Variants in RBM28 observed in about 807,000 individuals in gnomAD.
RBM28 encodes the protein RNA-binding protein 28.
Under a neutral mutation model 98.3 loss-of-function variants are expected in RBM28, and 78 were observed. The ratio of observed to expected loss-of-function variants is 0.79; its 90% CI spans 0.66 to 0.96. RBM28 has a LOEUF of 0.96. Among genes scored for constraint, RBM28 ranks in the 40% least tolerant of loss-of-function variants. The pLI, the probability that RBM28 is intolerant of heterozygous loss-of-function variation, is 0.00. For missense variants in RBM28, 838 were observed against 913.0 expected (o/e 0.92, Z 1.06); for synonymous variants, 306 against 330.9 (o/e 0.92, Z 0.82).
At chr7:128,317,460 C>T (rs114661893) in intron 16 of RBM28, among the ~76,000 whole-genome samples, 199 bp downstream of exon 16, 3,711 of 152,218 alleles carry the variant, frequency 0.024, 134 homozygotes, top group African/African-American at 0.085. Context: ...TCCTTCCTTT[C>T]CCTTCTGCTG....
intron 8 of RBM28, 60 bp from the exon 9 acceptor site, chr7:128,333,422 G>T: frequency 1.5e-6 from 2 of 1,358,038 alleles, no homozygotes; most frequent in Non-Finnish European, 2.1e-6. Context: ...ATGACAAAGA[G>T]CTAACTTCTT....
At chr7:128,333,786 A>C (rs368235147) in intron 8 of RBM28, among the ~76,000 whole-genome samples, 16 of 152,218 alleles carry the variant, frequency 1.1e-4, no homozygotes, top group African/African-American at 2.7e-4. Context: ...AGATGTTCAA[A>C]CTCACTCTTA....
At chr7:128,343,368 T>G (rs1796770110) in intron 1 of RBM28, among the ~76,000 whole-genome samples, 1 of 152,202 alleles carries the variant, frequency 6.6e-6, no homozygotes, top group African/African-American at 2.4e-5. Flanking sequence ...AGATAACCTG[T>G]ATCAAACTGA....
intron 14 of RBM28, among the ~76,000 whole-genome samples, chr7:128,320,399 C>A (rs527829024): frequency 7.8e-6 from 1 of 128,244 alleles, no homozygotes; most frequent in African/African-American, 3.4e-5. Flanking sequence ...CAGAGCAAGA[C>A]CACATCTAAA....
At chr7:128,321,540 G>A (rs1031188387) in intron 13 of RBM28, 116 bp from the exon 14 acceptor site, 53 of 1,301,050 alleles carry the variant, frequency 4.1e-5, no homozygotes, top group Non-Finnish European at 4.9e-5. Flanking sequence ...TATAGAAAAC[G>A]GATGGAAACT....
At position 128,337,208 on chromosome 7, in the gene RBM28, A is replaced by G. The variant is rs1245558423; in HGVS notation, c.542-6T>C. ...ATCCACAGCCACTGTCCGGCCTGTCAAGCAGAAAAGTGGCATCAGAAAGGC... is the reference window on the plus strand; with the variant it reads ...ATCCACAGCCACTGTCCGGCCTGTCGAGCAGAAAAGTGGCATCAGAAAGGC... On this transcript the variant is annotated splice_region_variant and splice_polypyrimidine_tract_variant and intron_variant, in intron 5 of 18. Transcript: ENST00000223073. 2 of 1,614,062 alleles carry G rather than the reference A, an allele frequency of 1.2e-6. No homozygotes were observed. The highest frequency in any genetic ancestry group is 1.1e-5 in the South Asian group (1 of 91,086).
chr7:128,323,554 A>C lies in RBM28; in HGVS notation c.1377T>G (p.Ser459Arg), dbSNP rs753523719. Residue 459 changes from serine to arginine, a missense_variant, in exon 13 of 19, where the codon AGT (serine) becomes AGG (arginine). Coordinates refer to ENST00000223073, the MANE Select transcript of RBM28 (RefSeq NM_018077.3). ...RAGTKAAEGVSAADMAKRERF... is the reference protein window; with the variant it reads ...RAGTKAAEGVRAADMAKRERF... ...GTTCTCTTTTGGCCATATCAGCAGCACTCACACCCTCTGCAGCCTTCGTCC... is the reference window on the plus strand; with the variant it reads ...GTTCTCTTTTGGCCATATCAGCAGCCCTCACACCCTCTGCAGCCTTCGTCC... The C allele has an allele frequency of 6.2e-7, 1 of 1,614,226 alleles. No individual in the cohort carries two copies. The highest frequency in any genetic ancestry group is 8.5e-7 in the Non-Finnish European group (1 of 1,180,050).
intron 17 of RBM28, 101 bp from the exon 18 acceptor site, chr7:128,313,375 A>G: frequency 8.5e-7 from 1 of 1,170,158 alleles, no homozygotes; most frequent in Non-Finnish European, 1.3e-6. Context: ...TGATAAGTGA[A>G]GTCATTCTAA....
In RBM28 at chr7:128,335,899, C is replaced by G. The variant is rs11554671; in HGVS notation, c.757G>C (p.Glu253Gln). 5.7e-3 allele frequency: 9,218 copies of G among 1,613,292 alleles called. 439 individuals are homozygous for G. In the African/African-American group the frequency reaches 0.1, roughly 18 times the overall value. Residue 253 changes from glutamate (E) to glutamine (Q), a missense_variant, in exon 7 of 19, where the codon GAG becomes CAG. Physicochemically the swap from Glu to Gln is conservative, Grantham distance 29. Coordinates refer to ENST00000223073, the MANE Select transcript of RBM28 (RefSeq NM_018077.3). ...ACCTTTGATTCTATATTCTCTTCCT[C>G]TTCATCTTCATCATCAAAAACCCCA... ...EDGVFDDEDE[E>Q]EENIESKVTK...
chr7:128,306,262 G>A lies in RBM28; in HGVS notation c.*4535C>T, dbSNP rs1356872717. ...TGCTGGATAACACTTGAGTGGAAAG[G>A]AGGGGCACAGAGACTGTCCAGATTG... On this transcript the variant is annotated 3_prime_UTR_variant, in exon 19 of 19. Coordinates refer to ENST00000223073, the MANE Select transcript of RBM28 (RefSeq NM_018077.3). 6.6e-6 allele frequency: 1 copy of A among 152,282 alleles called. No homozygotes were observed. The highest frequency in any genetic ancestry group is 1.5e-5 in the Non-Finnish European group (1 of 68,072). The allele number at this position is 152,282 out of a possible 1,614,324, so 9.4% of individuals were successfully genotyped here. A position where few individuals can be genotyped will look rare whatever the true frequency, so the allele number is the denominator to read the frequency against.
intron 5 of RBM28, 60 bp downstream of exon 5, chr7:128,338,190 C>G: frequency 7.7e-7 from 1 of 1,292,824 alleles, no homozygotes; most frequent in Non-Finnish European, 1.1e-6. Context: ...TGGGTTACTA[C>G]ACTAATTCAC....
intron 10 of RBM28, among the ~76,000 whole-genome samples, chr7:128,326,263 A>G (rs1796348725): frequency 6.7e-6 from 1 of 150,126 alleles, no homozygotes; most frequent in Non-Finnish European, 1.5e-5. Flanking sequence ...AGATAGTGCC[A>G]CTGCACTCCA....
At position 128,307,946 on chromosome 7, in the gene RBM28, C is replaced by T. The variant is rs1795898587; in HGVS notation, c.*2851G>A. 6.6e-6 allele frequency: 1 copy of T among 152,172 alleles called. No individual in the cohort carries two copies. The highest frequency in any genetic ancestry group is 1.5e-5 in the Non-Finnish European group (1 of 68,044). 9.4% of individuals were successfully genotyped at this position (152,172 alleles called of 1,614,324 possible). A position where few individuals can be genotyped will look rare whatever the true frequency, so the allele number is the denominator to read the frequency against. On this transcript the variant is annotated 3_prime_UTR_variant, in exon 19 of 19. Transcript: ENST00000223073. ...ATAGGTATGAGACTCTGTGCCCCAC[C>T]TGTTGTTTTTTAACCAAGCAATCTG...
At position 128,339,304 on chromosome 7, in the gene RBM28, T is replaced by G. The variant is rs1161755029; in HGVS notation, c.295A>C (p.Lys99Gln). Residue 99 changes from lysine (K) to glutamine (Q), a missense_variant, in exon 3 of 19, where the codon AAG becomes CAG. By Grantham distance (53) the Lys-to-Gln change is moderately conservative. Transcript: ENST00000223073. Reference sequence around the variant, plus strand: ...GCTTTTTTAGCCTTCGGCTCCTTCTTTGGGCACTCTGAGTTTTCTAAAAAA... The same window carrying G: ...GCTTTTTTAGCCTTCGGCTCCTTCTGTGGGCACTCTGAGTTTTCTAAAAAA... ...KGKNENSECPKKEPKAKKAKV... is the reference protein window; with the variant it reads ...KGKNENSECPQKEPKAKKAKV... 3.1e-6 allele frequency: 5 copies of G among 1,612,026 alleles called. No homozygotes were observed. In the Admixed American group the frequency reaches 8.3e-5, roughly 27 times the overall value.
chr7:128,306,799 T>C lies in RBM28; in HGVS notation c.*3998A>G, dbSNP rs1212995613. ...TTCCAATCTTCCCAGTATATTCCTT[T>C]ACCAGCACAAAAACTCATGTACAGC... On this transcript the variant is annotated 3_prime_UTR_variant, in exon 19 of 19. Transcript: ENST00000223073. 1 of 152,346 alleles carries C rather than the reference T, an allele frequency of 6.6e-6. No homozygotes were observed. The highest frequency in any genetic ancestry group is 1.5e-5 in the Non-Finnish European group (1 of 68,174). 9.4% of individuals were successfully genotyped at this position (152,346 alleles called of 1,614,324 possible). A position where few individuals can be genotyped will look rare whatever the true frequency, so the allele number is the denominator to read the frequency against.
chr7:128,336,107 AG>A, intron 6 of RBM28, 65 bp from the exon 7 acceptor site: 1 of 1,430,104 alleles, frequency 7.0e-7, no homozygotes, highest in African/African-American at 1.4e-5. Context: ...TTTTAACAAA[AG>A]TAACCAATAC....
chr7:128,318,255 C>G (rs1796148157), intron 14 of RBM28, 149 bp from the exon 15 acceptor site: 6 of 835,294 alleles, frequency 7.2e-6, no homozygotes, highest in Non-Finnish European at 1.2e-5. Flanking sequence ...GAGGCCGAGA[C>G]AGGAGGATTG....
rs905024938 is a variant in RBM28 at position 128,317,820 on chromosome 7, C to T, written c.1714-87G>A. The T allele has an allele frequency of 3.3e-6, 5 of 1,505,006 alleles. No homozygotes were observed. In the African/African-American group the frequency reaches 5.5e-5, roughly 17 times the overall value. The allele number at this position is 1,505,006 out of a possible 1,614,324, so 93.2% of individuals were successfully genotyped here. The stretch of plus-strand genomic sequence containing the variant: ...AGTTTTTCCCCTTCACACATCCTCC[C>T]CCAACCCACCTTTTTTTTGTCCACT... On this transcript the variant is annotated intron_variant, in intron 15 of 18. Transcript: ENST00000223073.
intron 1 of RBM28, 65 bp downstream of exon 1, chr7:128,343,611 A>T: frequency 8.3e-7 from 1 of 1,202,818 alleles, no homozygotes; most frequent in Non-Finnish European, 1.2e-6. Context: ...CGGCTCCCTG[A>T]AGTTTGGGAA....
Sources: allele counts gnomAD v4.1 joint callset (sites outside exome capture counted in the v4.1 genomes callset), GRCh38; gene constraint gnomAD v4.1.1; transcripts MANE v1.5; gene names NCBI Gene and HGNC (gene_info 2026-07-23, HGNC 2026-07-21).